Variants in RPA3 observed in about 807,000 individuals in gnomAD.
RPA3 encodes replication protein A3.
Under a neutral mutation model 13.7 loss-of-function variants are expected in RPA3, and 24 were observed. The observed-to-expected ratio is 1.75, with a 90% CI of 1.27 to 2.46. The LOEUF is 2.46. Among genes scored for constraint, RPA3 ranks in the 30% most tolerant of loss-of-function variants. The pLI is 0.00. For synonymous variants in RPA3, 59 were observed against 51.2 expected (o/e 1.15, Z -0.65); for missense variants, 183 against 151.0 (o/e 1.21, Z -1.11).
chr7:7,688,005 A>G (rs774645287), intron 2 of RPA3, among the ~76,000 whole-genome samples: 2 of 152,222 alleles, frequency 1.3e-5, no homozygotes, highest in Non-Finnish European at 2.9e-5. Flanking sequence ...GAAGAAGTTG[A>G]TAACTGAGAT....
intron 6 of RPA3, chr7:7,638,228 T>G: frequency 3.0e-6 from 1 of 336,414 alleles, no homozygotes; most frequent in South Asian, 3.7e-5. Context: ...AAAATCACTA[T>G]TGAAAACGTC....
At chr7:7,690,214 CA>C (rs1269866426) in intron 2 of RPA3, among the ~76,000 whole-genome samples, 1 of 152,126 alleles carries the variant, frequency 6.6e-6, no homozygotes, top group Non-Finnish European at 1.5e-5. Flanking sequence ...GTATCCCTCA[CA>C]TATTTTAAAT....
chr7:7,642,359 G>C (rs1784994234), intron 4 of RPA3, among the ~76,000 whole-genome samples: 1 of 150,728 alleles, frequency 6.6e-6, no homozygotes, highest in South Asian at 2.1e-4. Flanking sequence ...TCGCCATGTT[G>C]ACCAGGCTTA....
chr7:7,679,909 G>T (rs1181877352), intron 4 of RPA3, among the ~76,000 whole-genome samples: 3 of 151,662 alleles, frequency 2.0e-5, no homozygotes, highest in Admixed American at 6.6e-5. Context: ...CTGTTGAGTT[G>T]TTTGAGTTCC....
intron 2 of RPA3, among the ~76,000 whole-genome samples, chr7:7,699,948 C>T (rs1467307673): frequency 1.3e-5 from 2 of 152,106 alleles, no homozygotes; most frequent in Non-Finnish European, 2.9e-5. Context: ...AAATAAATTC[C>T]TGAAGTGAAA....
Position 7,696,630 on chromosome 7 carries a change from A to G in RPA3, c.-1027-9302T>C, listed in dbSNP as rs540935875. Among the ~76,000 whole-genome samples, 8 of 152,270 alleles carry G rather than the reference A, an allele frequency of 5.3e-5. No individual in the cohort carries two copies. The South Asian group carries it at 1.7e-3, about 32-fold the overall frequency. On this transcript the variant is annotated intron_variant, in intron 2 of 7. Transcript: ENST00000223129. ...CGAAGGCTCTTCCTCATTTGTTGCC[A>G]GTAGCTCTCCCTCATACAGAACAAA...
chr7:7,638,446 C>T (rs182673791), intron 6 of RPA3: 4 of 152,822 alleles, frequency 2.6e-5, no homozygotes, highest in Admixed American at 6.5e-5. Context: ...AAAATAAAAT[C>T]GAAAACTCTT....
At chr7:7,649,963 C>G (rs1223815507) in intron 4 of RPA3, among the ~76,000 whole-genome samples, 1 of 152,218 alleles carries the variant, frequency 6.6e-6, no homozygotes, top group African/African-American at 2.4e-5. Context: ...TATACTGGAG[C>G]TTTGATCTTA....
intron 4 of RPA3, among the ~76,000 whole-genome samples, chr7:7,642,431 T>C (rs774221217): frequency 3.9e-4 from 59 of 151,518 alleles, no homozygotes; most frequent in Non-Finnish European, 4.6e-4. Flanking sequence ...AGTACTGGAA[T>C]TACAGGTGTG....
chr7:7,651,169 T>C (rs544864075), intron 4 of RPA3, among the ~76,000 whole-genome samples: 2 of 152,320 alleles, frequency 1.3e-5, no homozygotes, highest in Admixed American at 6.5e-5. Flanking sequence ...TTTTTAAAAA[T>C]ATATGGCTAA....
chr7:7,675,195 G>A (rs538080058), intron 4 of RPA3, among the ~76,000 whole-genome samples: 1 of 152,234 alleles, frequency 6.6e-6, no homozygotes, highest in East Asian at 1.9e-4. Flanking sequence ...ATTAGAAATT[G>A]ACATTATTCT....
intron 4 of RPA3, among the ~76,000 whole-genome samples, chr7:7,673,674 C>G (rs11763947): frequency 0.058 from 8,712 of 150,968 alleles, 329 homozygotes; most frequent in Middle Eastern, 0.13. Context: ...GCTGTGTTCT[C>G]CAAGTTAAAT....
At chr7:7,652,009 G>C (rs1761946165) in intron 4 of RPA3, among the ~76,000 whole-genome samples, 1 of 152,194 alleles carries the variant, frequency 6.6e-6, no homozygotes, top group Non-Finnish European at 1.5e-5. Flanking sequence ...AGTGGGAGAA[G>C]ATCTTGTCAG....
At chr7:7,711,086 G>T (rs1780751384) in intron 2 of RPA3, among the ~76,000 whole-genome samples, 1 of 152,180 alleles carries the variant, frequency 6.6e-6, no homozygotes, top group African/African-American at 2.4e-5. Context: ...GGATAACACT[G>T]GGGATTCTGG....
intron 4 of RPA3, chr7:7,673,394 C>A: frequency 8.5e-7 from 1 of 1,182,042 alleles, no homozygotes; most frequent in Non-Finnish European, 1.2e-6. Flanking sequence ...TTCAGAAAGC[C>A]TCCGGAATCT....
chr7:7,647,675 G>C (rs189456868), intron 4 of RPA3, among the ~76,000 whole-genome samples: 208 of 152,308 alleles, frequency 1.4e-3, no homozygotes, highest in African/African-American at 4.7e-3. Context: ...TGGCGTGATT[G>C]TGGTGCAATG....
intron 4 of RPA3, among the ~76,000 whole-genome samples, chr7:7,647,043 G>C (rs958046581): frequency 2.6e-5 from 4 of 152,134 alleles, no homozygotes; most frequent in Admixed American, 6.5e-5. Flanking sequence ...TTAGTGTGGA[G>C]TGTTTCTTTT....
intron 1 of RPA3, among the ~76,000 whole-genome samples, chr7:7,716,007 C>G (rs906133493): frequency 2.6e-5 from 4 of 151,336 alleles, no homozygotes; most frequent in Non-Finnish European, 5.9e-5. Flanking sequence ...TCAGACAAAT[C>G]GAATAATTTT....
chr7:7,694,310 A>G (rs1780253544), intron 2 of RPA3, among the ~76,000 whole-genome samples: 3 of 152,198 alleles, frequency 2.0e-5, no homozygotes, highest in Non-Finnish European at 2.9e-5. Flanking sequence ...GCATACACAT[A>G]TAATAATCAC....
Sources: allele counts gnomAD v4.1 joint callset (sites outside exome capture counted in the v4.1 genomes callset), GRCh38; gene constraint gnomAD v4.1.1; transcripts MANE v1.5; gene names NCBI Gene and HGNC (gene_info 2026-07-23, HGNC 2026-07-21).